NOBOX: variants seen among roughly 807,000 people sequenced by gnomAD.
NOBOX encodes the protein NOBOX oogenesis homeobox.
Under a neutral mutation model 60.2 loss-of-function variants are expected in NOBOX, and 46 were observed. The observed-to-expected ratio is 0.76, with a 90% CI of 0.60 to 0.98. The LOEUF (loss-of-function observed/expected upper bound fraction) is 0.98, where lower values mean the gene tolerates loss of function less well. Ranked by LOEUF, NOBOX falls within the 50% of genes least tolerant of loss-of-function variation. NOBOX has a pLI of 0.00. For missense variants in NOBOX, 880 were observed against 865.5 expected (o/e 1.02, Z -0.21); for synonymous variants, 360 against 346.3 (o/e 1.04, Z -0.44).
At position 144,401,711 on chromosome 7, in the gene NOBOX, T is replaced by A; in HGVS notation, c.293-114A>T. On this transcript the variant is annotated intron_variant, in intron 3 of 9. Transcript: ENST00000467773. The surrounding 1 kb of genome is among the most constrained non-coding windows in gnomAD (Gnocchi z 4.2). ...GTTTGATCTTAAGCTTTAATTTGTC[T>A]ACCTATCAAATGGGGTAATAATTCC... The A allele has an allele frequency of 8.7e-7, 1 of 1,143,478 alleles. No homozygotes were observed. The highest frequency in any genetic ancestry group is 1.2e-6 in the Non-Finnish European group (1 of 819,064). The allele number at this position is 1,143,478 out of a possible 1,614,324, so 70.8% of individuals were successfully genotyped here. A position where few individuals can be genotyped will look rare whatever the true frequency, so the allele number is the denominator to read the frequency against.
chr7:144,403,787 CG>C, intron 2 of NOBOX, 94 bp from the exon 1 acceptor site: 1 of 366,928 alleles, frequency 2.7e-6, no homozygotes, highest in Non-Finnish European at 4.4e-6. Flanking sequence ...CCGCACGGGC[CG>C]GGCCGGGCCG....
At position 144,405,692 on chromosome 7, in the gene NOBOX, T is replaced by C. The variant is rs529405579; in HGVS notation, c.86-1012A>G. Among the ~76,000 whole-genome samples the C allele has an allele frequency of 1.1e-3, 165 of 152,174 alleles. 1 individual carries two copies. Among genetic ancestry groups the C allele is most frequent in the African/African-American group, 3.7e-3 (154 of 41,504 alleles). On this transcript the variant is annotated intron_variant, in intron 1 of 9. Transcript: ENST00000467773. ...GCCCACCTGGGTATTTCAGTGGTGG[T>C]GTGTGTATGTCTTTTTTGGCCTAAT...
In NOBOX at chr7:144,398,568, G is replaced by A. The variant is rs1453330637; in HGVS notation, c.1488C>T (p.Pro496=). The A allele has an allele frequency of 6.5e-7, 1 of 1,535,808 alleles. No homozygotes were observed. The highest frequency in any genetic ancestry group is 8.7e-7 in the Non-Finnish European group (1 of 1,146,522). ...GCTCCAGCTCCTCCAAATATGAACAGGGGGGTGGCAGGGTGATGCTGCAAG... is the reference window on the plus strand; with the variant it reads ...GCTCCAGCTCCTCCAAATATGAACAAGGGGGTGGCAGGGTGATGCTGCAAG... Residue 496 remains proline (P), a synonymous_variant, in exon 9 of 10, where the codon CCC becomes CCT. Coordinates refer to ENST00000467773, the MANE Select transcript of NOBOX (RefSeq NM_001080413.3).
intron 1 of NOBOX, among the ~76,000 whole-genome samples, chr7:144,405,218 G>A (rs946686253): frequency 1.3e-5 from 2 of 152,162 alleles, no homozygotes; most frequent in East Asian, 1.9e-4. Flanking sequence ...TTTATGAGGC[G>A]TTCAGATAGA....
At chr7:144,409,538 C>G (rs1430848698) in intron 1 of NOBOX, among the ~76,000 whole-genome samples, 2 of 152,172 alleles carry the variant, frequency 1.3e-5, no homozygotes, top group Admixed American at 1.3e-4. Context: ...CTATGAAAAG[C>G]ACAGTTCTGT....
chr7:144,400,544 T>A (rs943509722), intron 4 of NOBOX, among the ~76,000 whole-genome samples: 2 of 152,228 alleles, frequency 1.3e-5, no homozygotes, highest in Non-Finnish European at 2.9e-5. Flanking sequence ...ATCATTTTCT[T>A]TTTTTCTTTT....
At chr7:144,403,616 C>CA in intron 2 of NOBOX, 41 bp downstream of exon 1, 1 of 697,074 alleles carries the variant, frequency 1.4e-6, no homozygotes, top group Non-Finnish European at 2.6e-6. Context: ...CCCGAACCCC[C>CA]AAAGCCTGAC....
chr7:144,399,155 C>G lies in NOBOX; in HGVS notation c.1264G>C (p.Asp422His). Residue 422 changes from aspartate (D) to histidine (H), a missense_variant, in exon 8 of 10, where the codon GAC (aspartate) becomes CAC (histidine). Coordinates refer to ENST00000467773, the MANE Select transcript of NOBOX (RefSeq NM_001080413.3). ...GGTTGGGTGGGGGCCAAAGTCTGGT[C>G]AGAAGTCAGCAGCATGGGGGGCTCT... 6.4e-7 allele frequency: 1 copy of G among 1,560,730 alleles called. No individual in the cohort carries two copies. Among genetic ancestry groups the G allele is most frequent in the East Asian group, 2.3e-5 (1 of 44,400 alleles).
chr7:144,406,214 G>C (rs2053984205), intron 1 of NOBOX, among the ~76,000 whole-genome samples: 2 of 152,096 alleles, frequency 1.3e-5, no homozygotes, highest in African/African-American at 4.8e-5. Flanking sequence ...AAAGATACAG[G>C]GTCTGAGTCT....
At chr7:144,398,158 G>A (rs2128860851) in intron 9 of NOBOX, 124 bp downstream of exon 7, 1 of 830,382 alleles carries the variant, frequency 1.2e-6, no homozygotes, top group East Asian at 2.6e-5. Context: ...AGAACTAGGG[G>A]CAAACAGAAG....
At chr7:144,404,192 A>G (rs1468933044) in intron 2 of NOBOX, among the ~76,000 whole-genome samples, 1 of 152,196 alleles carries the variant, frequency 6.6e-6, no homozygotes, top group Non-Finnish European at 1.5e-5. Context: ...CCCAACTCCC[A>G]TGCTAGGGCC....
chr7:144,404,430 G>A (rs774781872), intron 2 of NOBOX: 1 of 783,578 alleles, frequency 1.3e-6, no homozygotes, highest in Non-Finnish European at 2.1e-6. Context: ...TGTATTTTTA[G>A]TAGAGACGGG....
Position 144,401,601 on chromosome 7 carries a change from T to G in NOBOX, c.293-4A>C, listed in dbSNP as rs1288446793. ...GGCTTCTCTCCAGCTTTCTGGCCTG[T>G]GGGGAGCCAACATCCACTGACCTTA... On this transcript the variant is annotated splice_region_variant and splice_polypyrimidine_tract_variant and intron_variant, in intron 3 of 9. Transcript: ENST00000467773. This position sits in a 1 kb window ranked among gnomAD's most constrained non-coding sequence, Gnocchi z 4.2. 1 of 1,502,560 alleles carries G rather than the reference T, an allele frequency of 6.7e-7. No homozygotes were observed. Among genetic ancestry groups the G allele is most frequent in the East Asian group, 2.3e-5 (1 of 44,022 alleles). 93.1% of individuals were successfully genotyped at this position (1,502,560 alleles called of 1,614,324 possible). A position where few individuals can be genotyped will look rare whatever the true frequency, so the allele number is the denominator to read the frequency against.
rs891447943 is a variant in NOBOX at position 144,397,402 on chromosome 7, G to A, written c.1914C>T (p.Gly638=). 5 of 1,537,126 alleles carry A rather than the reference G, an allele frequency of 3.3e-6. No individual in the cohort carries two copies. In the African/African-American group the frequency reaches 4.1e-5, roughly 13 times the overall value. The change falls in exon 10 of 10, where the codon GGC becomes GGT. Residue 638 remains glycine (G), a synonymous_variant. Coordinates refer to ENST00000467773, the MANE Select transcript of NOBOX (RefSeq NM_001080413.3). ...ATGAGAGAGCTGACGAAGGCTGCCT[G>A]CCCAGAGCCTGGGGGCAGGGAGTTG...
At chr7:144,407,796 G>A (rs1407648066) in intron 1 of NOBOX, among the ~76,000 whole-genome samples, 5 of 152,348 alleles carry the variant, frequency 3.3e-5, no homozygotes, top group South Asian at 2.1e-4. Context: ...GTGAATTAGC[G>A]TTGTAACTTC....
intron 1 of NOBOX, among the ~76,000 whole-genome samples, chr7:144,406,702 A>G (rs1774425237): frequency 6.6e-6 from 1 of 152,208 alleles, no homozygotes. Flanking sequence ...TGTACATTGC[A>G]TGGGAAAATG....
At position 144,398,511 on chromosome 7, in the gene NOBOX, T is replaced by C; in HGVS notation, c.1545A>G (p.Gly515=). ...GTGGAGCCTGGGAGAACTGGAAGGG[T>C]CCTGGCTGGTTGCTCTGTTGGTAAT... Residue 515 remains glycine (G), a synonymous_variant, in exon 9 of 10, where the codon GGA becomes GGG. Coordinates refer to ENST00000467773, the MANE Select transcript of NOBOX (RefSeq NM_001080413.3). 1 of 1,536,406 alleles carries C rather than the reference T, an allele frequency of 6.5e-7. No individual in the cohort carries two copies. The highest frequency in any genetic ancestry group is 8.7e-7 in the Non-Finnish European group (1 of 1,146,702).
At position 144,401,008 on chromosome 7, in the gene NOBOX, C is replaced by T. The variant is rs376529763; in HGVS notation, c.844+38G>A. 3.9e-5 allele frequency: 57 copies of T among 1,472,800 alleles called. No homozygotes were observed. The highest frequency in any genetic ancestry group is 4.6e-5 in the Admixed American group (2 of 43,228). The allele number at this position is 1,472,800 out of a possible 1,614,324, so 91.2% of individuals were successfully genotyped here. ...ACAGCCCCACCTTTCCCCAGGATGA[C>T]CCCAGATCTCTTCGGTTTCCTCTCT... On this transcript the variant is annotated intron_variant, in intron 4 of 9. Transcript: ENST00000467773. This position sits in a 1 kb window ranked among gnomAD's most constrained non-coding sequence, Gnocchi z 4.2.
intron 2 of NOBOX, among the ~76,000 whole-genome samples, 162 bp from the exon 1 acceptor site, chr7:144,403,855 G>T (rs2053963183): frequency 6.6e-6 from 1 of 151,834 alleles, no homozygotes; most frequent in African/African-American, 2.4e-5. Context: ...CCCAGGGCGA[G>T]GCCGGCCCGG....
Sources: gnomAD v4.1 joint callset for allele counts (sites outside exome capture counted in the v4.1 genomes callset) on GRCh38, gnomAD v4.1.1 for gene constraint, Gnocchi (gnomAD v3.1) non-coding constraint, MANE v1.5 for transcripts, NCBI Gene and HGNC (gene_info 2026-07-23, HGNC 2026-07-21) for gene names.